SH3PXD2A: variants seen among roughly 807,000 people sequenced by gnomAD.
SH3PXD2A encodes the protein SH3 and PX domain-containing protein 2A.
A neutral mutation model predicts 115.2 loss-of-function variants in SH3PXD2A; 32 were observed. The ratio of observed to expected loss-of-function variants is 0.28; its 90% CI spans 0.21 to 0.37. The LOEUF (loss-of-function observed/expected upper bound fraction) is 0.37, where lower values mean the gene tolerates loss of function less well. SH3PXD2A is among the 10% of genes least tolerant of loss of function. The pLI, the probability that SH3PXD2A is intolerant of heterozygous loss-of-function variation, is 1.00. For synonymous variants in SH3PXD2A, 610 were observed against 629.1 expected, an observed-to-expected ratio of 0.97 and a Z score of 0.45; for missense variants, 1,328 against 1,498.7, an observed-to-expected ratio of 0.89 and a Z score of 1.88.
Position 103,649,404 on chromosome 10 carries a change from T to C in SH3PXD2A, c.604+11579A>G, listed in dbSNP as rs1442504606. 2.6e-5 allele frequency among the ~76,000 whole-genome samples: 4 copies of C among 152,220 alleles called. No individual in the cohort carries two copies. In the East Asian group the frequency reaches 7.7e-4, roughly 29 times the overall value. On this transcript the variant is annotated intron_variant, in intron 8 of 14. Transcript: ENST00000369774. Reference sequence around the variant, plus strand: ...GACCAAGCTCCTCTTACGCAAAGCCTGGCCTTCCTCCCTCGATGGCACGCC... The same window carrying C: ...GACCAAGCTCCTCTTACGCAAAGCCCGGCCTTCCTCCCTCGATGGCACGCC...
chr10:103,804,936 G>C (rs2039186281), intron 1 of SH3PXD2A, among the ~76,000 whole-genome samples: 1 of 152,064 alleles, frequency 6.6e-6, no homozygotes, highest in South Asian at 2.1e-4. Flanking sequence ...CAGGCCCTGG[G>C]GCAGGAGCAG....
chr10:103,677,620 T>C (rs576466895), intron 6 of SH3PXD2A, among the ~76,000 whole-genome samples: 30 of 152,312 alleles, frequency 2.0e-4, no homozygotes, highest in Admixed American at 1.2e-3. Context: ...GTTCACTGAC[T>C]GTTCCCACTG....
Position 103,611,640 on chromosome 10 carries a change from G to A in SH3PXD2A, c.1259-10C>T. The A allele has an allele frequency of 3.1e-6, 5 of 1,613,086 alleles. No individual in the cohort carries two copies. The highest frequency in any genetic ancestry group is 3.4e-6 in the Non-Finnish European group (4 of 1,178,996). On this transcript the variant is annotated splice_polypyrimidine_tract_variant and intron_variant, in intron 12 of 14. Coordinates refer to ENST00000369774, the MANE Select transcript of SH3PXD2A (RefSeq NM_001394015.1). Reference sequence around the variant, plus strand: ...CGTAGGTTCGGGGAGCCTAGAGGAAGAGACATGGCTTCAGAAATCCTAGTC... The same window carrying A: ...CGTAGGTTCGGGGAGCCTAGAGGAAAAGACATGGCTTCAGAAATCCTAGTC...
chr10:103,601,568 G>C lies in SH3PXD2A; in HGVS notation c.*248C>G. The C allele has an allele frequency of 2.4e-6, 1 of 419,064 alleles. No individual in the cohort carries two copies. The highest frequency in any genetic ancestry group is 4.3e-6 in the Non-Finnish European group (1 of 233,770). The allele number at this position is 419,064 out of a possible 1,614,324, so 26.0% of individuals were successfully genotyped here. On this transcript the variant is annotated 3_prime_UTR_variant, in exon 15 of 15. Transcript: ENST00000369774. The stretch of plus-strand genomic sequence containing the variant: ...GGATATCTCAGCTTTCTTGGCTCTG[G>C]GTCCCAGGCCTGGGACTCCCTGGTC...
At chr10:103,788,639 G>C (rs906674759) in intron 2 of SH3PXD2A, among the ~76,000 whole-genome samples, 6 of 152,090 alleles carry the variant, frequency 3.9e-5, no homozygotes, top group Non-Finnish European at 7.4e-5. Flanking sequence ...GGCCGAGACG[G>C]GCGGATCACT....
At chr10:103,726,224 AC>A (rs1425273707) in intron 4 of SH3PXD2A, among the ~76,000 whole-genome samples, 2 of 152,222 alleles carry the variant, frequency 1.3e-5, no homozygotes, top group African/African-American at 4.8e-5. Flanking sequence ...ATAAGACAGG[AC>A]CCTGTCCCAT....
At chr10:103,728,981 C>T (rs991447930) in intron 4 of SH3PXD2A, among the ~76,000 whole-genome samples, 1 of 151,824 alleles carries the variant, frequency 6.6e-6, no homozygotes, top group Non-Finnish European at 1.5e-5. Context: ...CAGCCTCCCC[C>T]TCGCCGGGTT....
intron 8 of SH3PXD2A, among the ~76,000 whole-genome samples, chr10:103,629,809 A>G (rs901123353): frequency 6.6e-6 from 1 of 152,172 alleles, no homozygotes; most frequent in Non-Finnish European, 1.5e-5. Flanking sequence ...AATGCCCAAC[A>G]ACCTTTCCCT....
Sources: allele counts gnomAD v4.1 joint callset (sites outside exome capture counted in the v4.1 genomes callset), GRCh38; gene constraint gnomAD v4.1.1; transcripts MANE v1.5; gene names NCBI Gene and HGNC (gene_info 2026-07-23, HGNC 2026-07-21).